ZNF385B: variants seen among roughly 807,000 people sequenced by gnomAD.
ZNF385B encodes zinc finger protein 533.
In ZNF385B, 23 loss-of-function variants were observed where a neutral mutation model predicts 39.2. The ratio of observed to expected loss-of-function variants is 0.59; its 90% CI spans 0.42 to 0.83. The LOEUF is 0.83. ZNF385B is among the 40% of genes least tolerant of loss of function. ZNF385B has a pLI of 0.00. For synonymous variants in ZNF385B, 205 were observed against 222.6 expected (o/e 0.92, Z 0.70); for missense variants, 552 against 598.9 (o/e 0.92, Z 0.82).
At chr2:179,467,604 C>T (rs144501152) in intron 6 of ZNF385B, among the ~76,000 whole-genome samples, 1 of 152,224 alleles carries the variant, frequency 6.6e-6, no homozygotes, top group Non-Finnish European at 1.5e-5. Flanking sequence ...CCTTCTTATC[C>T]AGTGCCCACA....
intron 3 of ZNF385B, among the ~76,000 whole-genome samples, chr2:179,545,367 T>A (rs192759993): frequency 7.2e-5 from 11 of 152,288 alleles, no homozygotes; most frequent in Non-Finnish European, 1.3e-4. Context: ...AATTACTGAA[T>A]GGCTAGTGGA....
rs187935054 is a variant in ZNF385B, at chr2:179,762,540, T to A, written c.298+6963A>T. Among the ~76,000 whole-genome samples the A allele has an allele frequency of 9.2e-5, 14 of 152,346 alleles. No homozygotes were observed. In the East Asian group the frequency reaches 2.5e-3, roughly 27 times the overall value. On this transcript the variant is annotated intron_variant, in intron 3 of 9. Transcript: ENST00000410066. ...GTAAGCCAGTTTTGCATACCTGGAA[T>A]AAATCCCACTTAGTTATGGTATATA...
At chr2:179,624,877 A>C (rs2106171406) in intron 3 of ZNF385B, among the ~76,000 whole-genome samples, 1 of 152,316 alleles carries the variant, frequency 6.6e-6, no homozygotes, top group Middle Eastern at 3.4e-3. Flanking sequence ...TAGGGAATGT[A>C]ATCTTATACT....
At chr2:179,510,944 G>A (rs1268289627) in intron 5 of ZNF385B, among the ~76,000 whole-genome samples, 1 of 152,174 alleles carries the variant, frequency 6.6e-6, no homozygotes, top group Admixed American at 6.6e-5. Flanking sequence ...CTAGGAGAAT[G>A]TTACATAATG....
At chr2:179,694,898 C>G (rs1276213131) in intron 3 of ZNF385B, among the ~76,000 whole-genome samples, 1 of 151,508 alleles carries the variant, frequency 6.6e-6, no homozygotes, top group Admixed American at 6.6e-5. Context: ...CCACTGCACT[C>G]CAGCCTGGGT....
At chr2:179,600,886 A>G (rs1688357896) in intron 3 of ZNF385B, among the ~76,000 whole-genome samples, 1 of 152,228 alleles carries the variant, frequency 6.6e-6, no homozygotes, top group South Asian at 2.1e-4. Flanking sequence ...ACATTTAGAA[A>G]AAAACATTTC....
At chr2:179,524,949 T>G (rs1344574354) in intron 4 of ZNF385B, among the ~76,000 whole-genome samples, 1 of 152,172 alleles carries the variant, frequency 6.6e-6, no homozygotes, top group Non-Finnish European at 1.5e-5. Flanking sequence ...GAGCTTTGAT[T>G]TACTGAGGTT....
chr2:179,718,978 ATTTT>A (rs902732932), intron 3 of ZNF385B, among the ~76,000 whole-genome samples: 1 of 150,670 alleles, frequency 6.6e-6, no homozygotes, highest in Non-Finnish European at 1.5e-5. Flanking sequence ...GTGTATATAT[ATTTT>A]TTTTTTCTAT....
chr2:179,520,542 C>T (rs2058410837), intron 4 of ZNF385B, among the ~76,000 whole-genome samples: 1 of 152,052 alleles, frequency 6.6e-6, no homozygotes, highest in African/African-American at 2.4e-5. Flanking sequence ...TACTTAAATC[C>T]CATCTATCTA....
At chr2:179,571,933 T>C (rs1481318304) in intron 3 of ZNF385B, among the ~76,000 whole-genome samples, 1 of 152,118 alleles carries the variant, frequency 6.6e-6, no homozygotes, top group Non-Finnish European at 1.5e-5. Context: ...TGTAAGTTGA[T>C]GCCCTAATGG....
chr2:179,855,075 T>G (rs1321062096), intron 1 of ZNF385B, among the ~76,000 whole-genome samples: 1 of 152,172 alleles, frequency 6.6e-6, no homozygotes, highest in Non-Finnish European at 1.5e-5. Context: ...ACCTCTTTTA[T>G]TTATTTTCAG....
rs111404603 is a variant in ZNF385B, at chr2:179,795,809, T to C, written c.-154-25137A>G. On this transcript the variant is annotated intron_variant, in intron 1 of 9. Coordinates refer to ENST00000410066, the MANE Select transcript of ZNF385B (RefSeq NM_152520.6). ...ATTAAATTCCTGTTAGAAGTAATCA[T>C]ATTTTAAATTATGAAGCAATCCCCA... Among the ~76,000 whole-genome samples the C allele has an allele frequency of 4.6e-5, 7 of 152,304 alleles. 1 individual carries two copies. Among genetic ancestry groups the C allele is most frequent in the African/African-American group, 1.7e-4 (7 of 41,576 alleles).
intron 1 of ZNF385B, among the ~76,000 whole-genome samples, chr2:179,816,659 A>G (rs1317762376): frequency 6.6e-6 from 1 of 152,186 alleles, no homozygotes; most frequent in Non-Finnish European, 1.5e-5. Flanking sequence ...TAGAAGTTCA[A>G]TGTTTGTCCT....
At chr2:179,676,100 T>C (rs1696738235) in intron 3 of ZNF385B, among the ~76,000 whole-genome samples, 1 of 150,032 alleles carries the variant, frequency 6.7e-6, no homozygotes. Context: ...CAGTATTTTT[T>C]TTCTTTGAGA....
chr2:179,450,638 T>G (rs1441968545), intron 6 of ZNF385B, among the ~76,000 whole-genome samples: 8 of 151,938 alleles, frequency 5.3e-5, no homozygotes, highest in Non-Finnish European at 1.2e-4. Flanking sequence ...AGGAACACTT[T>G]TACACTGTTG....
intron 1 of ZNF385B, among the ~76,000 whole-genome samples, chr2:179,794,313 C>T (rs1705518480): frequency 6.6e-6 from 1 of 152,106 alleles, no homozygotes; most frequent in African/African-American, 2.4e-5. Flanking sequence ...TATTTATGCA[C>T]CCATACCTGT....
chr2:179,606,019 T>C (rs895818586), intron 3 of ZNF385B, among the ~76,000 whole-genome samples: 1 of 152,190 alleles, frequency 6.6e-6, no homozygotes, highest in Non-Finnish European at 1.5e-5. Context: ...GGATCCATTA[T>C]CTCATAAATC....
At chr2:179,645,236 A>G (rs778079351) in intron 3 of ZNF385B, among the ~76,000 whole-genome samples, 6 of 152,216 alleles carry the variant, frequency 3.9e-5, no homozygotes, top group Non-Finnish European at 2.9e-5. Context: ...GGAATCATGT[A>G]TTGTGACACC....
intron 3 of ZNF385B, among the ~76,000 whole-genome samples, chr2:179,661,068 A>G (rs984532051): frequency 1.3e-5 from 2 of 152,330 alleles, no homozygotes; most frequent in East Asian, 1.9e-4. Context: ...TGGAGATTCA[A>G]TGTTAACATG....
Sources: gnomAD v4.1 joint callset for allele counts (sites outside exome capture counted in the v4.1 genomes callset) on GRCh38, gnomAD v4.1.1 for gene constraint, MANE v1.5 for transcripts, NCBI Gene and HGNC (gene_info 2026-07-23, HGNC 2026-07-21) for gene names.